CD84: variants seen among roughly 807,000 people sequenced by gnomAD.
CD84 encodes SLAM family member 5.
A neutral mutation model predicts 33.8 loss-of-function variants in CD84; 22 were observed. The ratio of observed to expected loss-of-function variants is 0.65; its 90% CI spans 0.46 to 0.93. The LOEUF (loss-of-function observed/expected upper bound fraction) is 0.93, where lower values mean the gene tolerates loss of function less well. Ranked by LOEUF, CD84 falls within the 40% of genes least tolerant of loss-of-function variation. CD84 has a pLI of 0.00. For missense variants in CD84, 400 were observed against 397.6 expected (o/e 1.01, Z -0.05); for synonymous variants, 154 against 145.2 (o/e 1.06, Z -0.44).
chr1:160,553,778 A>G, intron 3 of CD84, 117 bp downstream of exon 3: 1 of 1,502,004 alleles, frequency 6.7e-7, no homozygotes, highest in Non-Finnish European at 9.0e-7. Flanking sequence ...GCCCTCAGTG[A>G]CCAGGCCAAA....
intron 2 of CD84, among the ~76,000 whole-genome samples, chr1:160,557,262 A>G (rs1160432506): frequency 6.6e-6 from 1 of 152,244 alleles, no homozygotes; most frequent in African/African-American, 2.4e-5. Flanking sequence ...TATGCTGTCC[A>G]TCGGTATAGA....
At chr1:160,549,227 G>A (rs184880577) in intron 6 of CD84, among the ~76,000 whole-genome samples, 7 of 152,036 alleles carry the variant, frequency 4.6e-5, no homozygotes, top group South Asian at 2.1e-4. Context: ...CTCTCAATTC[G>A]TACTCAGTTT....
Position 160,548,067 on chromosome 1 carries a change from G to T in CD84, c.*189C>A. 1 of 619,888 alleles carries T rather than the reference G, an allele frequency of 1.6e-6. No individual in the cohort carries two copies. Among genetic ancestry groups the T allele is most frequent in the Non-Finnish European group, 2.9e-6 (1 of 347,120 alleles). 38.4% of individuals were successfully genotyped at this position (619,888 alleles called of 1,614,324 possible). A position where few individuals can be genotyped will look rare whatever the true frequency, so the allele number is the denominator to read the frequency against. ...TCAGAAGGGAGTCATTTCAGGAAGG[G>T]TATGCATCCATTTGTCCATTTAGGC... On this transcript the variant is annotated 3_prime_UTR_variant, in exon 7 of 7. Coordinates refer to ENST00000368054, the MANE Select transcript of CD84 (RefSeq NM_003874.4).
chr1:160,569,532 ACACACACACGCACG>A (rs780513579), intron 1 of CD84, among the ~76,000 whole-genome samples: 11 of 143,830 alleles, frequency 7.6e-5, no homozygotes, highest in South Asian at 2.1e-4. Flanking sequence ...ACACACACAC[ACACACACACGCACG>A]CACGCACGCA....
chr1:160,565,612 A>G lies in CD84; in HGVS notation c.180T>C (p.Val60=). Residue 60 remains valine (V), a synonymous_variant, in exon 2 of 7, where the codon GTT becomes GTC. Coordinates refer to ENST00000368054, the MANE Select transcript of CD84 (RefSeq NM_003874.4). ...KIIAWTSKTS[V]AYVTPGDSET... ...CTGAGTCTCCTGGTGTTACATAAGC[A>G]ACAGATGTTTTAGAAGTCCAAGCAA... 6.2e-7 allele frequency: 1 copy of G among 1,614,016 alleles called. No individual in the cohort carries two copies. The highest frequency in any genetic ancestry group is 8.5e-7 in the Non-Finnish European group (1 of 1,179,920).
At chr1:160,552,457 A>G (rs1002291833) in intron 4 of CD84, among the ~76,000 whole-genome samples, 1 of 152,206 alleles carries the variant, frequency 6.6e-6, no homozygotes, top group Non-Finnish European at 1.5e-5. Context: ...TGGGCCAAGT[A>G]TTTTGTATTT....
Position 160,549,204 on chromosome 1 carries a change from C to A in CD84, c.921+713G>T, listed in dbSNP as rs564227756. On this transcript the variant is annotated intron_variant, in intron 6 of 6. Transcript: ENST00000368054. Reference sequence around the variant, plus strand: ...GAGCTCATAGATGTCCTCCCTATTGCCTTATAGGATCACTCTCAATTCGTA... The same window carrying A: ...GAGCTCATAGATGTCCTCCCTATTGACTTATAGGATCACTCTCAATTCGTA... Among the ~76,000 whole-genome samples, 4 of 152,216 alleles carry A rather than the reference C, an allele frequency of 2.6e-5. No individual in the cohort carries two copies. In the East Asian group the frequency reaches 7.7e-4, roughly 29 times the overall value.
At chr1:160,574,799 G>A (rs1240989828) in intron 1 of CD84, among the ~76,000 whole-genome samples, 1 of 152,112 alleles carries the variant, frequency 6.6e-6, no homozygotes, top group Admixed American at 6.6e-5. Flanking sequence ...GAAGGTAATA[G>A]TAGCACAATA....
rs1487982973 is a variant in CD84, at chr1:160,546,585, C to T, written c.*1671G>A. Reference sequence around the variant, plus strand: ...GGGACTGTGAGCATGCATGGTGCATCTGGAGAGGTGCTCTGAATACACCCC... The same window carrying T: ...GGGACTGTGAGCATGCATGGTGCATTTGGAGAGGTGCTCTGAATACACCCC... On this transcript the variant is annotated 3_prime_UTR_variant, in exon 7 of 7. Transcript: ENST00000368054. 2 of 152,326 alleles carry T rather than the reference C, an allele frequency of 1.3e-5. No individual in the cohort carries two copies. The highest frequency in any genetic ancestry group is 4.8e-5 in the African/African-American group (2 of 41,446). 9.4% of individuals were successfully genotyped at this position (152,326 alleles called of 1,614,324 possible). A position where few individuals can be genotyped will look rare whatever the true frequency, so the allele number is the denominator to read the frequency against.
At chr1:160,574,980 T>G (rs1657907973) in intron 1 of CD84, among the ~76,000 whole-genome samples, 1 of 151,826 alleles carries the variant, frequency 6.6e-6, no homozygotes, top group South Asian at 2.1e-4. Flanking sequence ...AAAATTAGAG[T>G]TGGGGTATTG....
intron 2 of CD84, among the ~76,000 whole-genome samples, chr1:160,564,570 A>C (rs1657198171): frequency 6.6e-6 from 1 of 152,260 alleles, no homozygotes; most frequent in Non-Finnish European, 1.5e-5. Context: ...GTGGAATACT[A>C]TCTAGCAATA....
chr1:160,547,860 C>T lies in CD84; in HGVS notation c.*396G>A, dbSNP rs141119084. ...TGTGCAAAATATTGATCCCCTTCTC[C>T]CACAGTTACTGGGCAGGGTTGTTAC... On this transcript the variant is annotated 3_prime_UTR_variant, in exon 7 of 7. Coordinates refer to ENST00000368054, the MANE Select transcript of CD84 (RefSeq NM_003874.4). 6.6e-4 allele frequency: 155 copies of T among 235,908 alleles called. No individual in the cohort carries two copies. The highest frequency in any genetic ancestry group is 1.2e-3 in the Non-Finnish European group (139 of 118,902). 14.6% of individuals were successfully genotyped at this position (235,908 alleles called of 1,614,324 possible).
At chr1:160,574,128 G>C (rs925059400) in intron 1 of CD84, among the ~76,000 whole-genome samples, 1 of 50,756 alleles carries the variant, frequency 2.0e-5, no homozygotes, top group Non-Finnish European at 8.0e-5. Flanking sequence ...AAAAAACAAA[G>C]CTTTTTTTTT....
intron 2 of CD84, among the ~76,000 whole-genome samples, chr1:160,554,454 G>C (rs1271321254): frequency 6.6e-6 from 1 of 152,100 alleles, no homozygotes; most frequent in Admixed American, 6.5e-5. Context: ...CATGGTAGGA[G>C]TATTACCCCA....
intron 1 of CD84, among the ~76,000 whole-genome samples, chr1:160,569,222 T>G (rs1014322906): frequency 6.6e-6 from 1 of 152,306 alleles, no homozygotes; most frequent in East Asian, 1.9e-4. Flanking sequence ...AAGTAAAGCC[T>G]GGAGGGACAG....
intron 2 of CD84, among the ~76,000 whole-genome samples, chr1:160,562,323 C>T (rs936527199): frequency 3.3e-5 from 5 of 152,268 alleles, no homozygotes; most frequent in Non-Finnish European, 4.4e-5. Context: ...CAACTTCAAA[C>T]TATACTACAA....
intron 1 of CD84, among the ~76,000 whole-genome samples, chr1:160,575,725 A>C (rs1657959211): frequency 6.6e-6 from 1 of 152,202 alleles, no homozygotes; most frequent in Non-Finnish European, 1.5e-5. Context: ...TTACAGGTCC[A>C]TCCCTTTCCT....
rs1655540193 is a variant in CD84, at chr1:160,541,530, TATAA to T, written c.*6722_*6725del. On this transcript the variant is annotated 3_prime_UTR_variant, in exon 7 of 7. Coordinates refer to ENST00000368054, the MANE Select transcript of CD84 (RefSeq NM_003874.4). ...ACTTGTGTGCCAAATGCTGTAAAAG[TATAA>T]ATAGAGGGCAATATATTTCGCTTTG... 1 of 152,166 alleles carries T rather than the reference TATAA, an allele frequency of 6.6e-6. No homozygotes were observed. Among genetic ancestry groups the T allele is most frequent in the Non-Finnish European group, 1.5e-5 (1 of 68,032 alleles). 9.4% of individuals were successfully genotyped at this position (152,166 alleles called of 1,614,324 possible).
In CD84 at chr1:160,565,601, G is replaced by T. The variant is rs1055385104; in HGVS notation, c.191C>A (p.Thr64Lys). 3.7e-6 allele frequency: 6 copies of T among 1,613,852 alleles called. No homozygotes were observed. The African/African-American group carries it at 8.0e-5, about 22-fold the overall frequency. The change falls in exon 2 of 7, where the codon ACA (threonine) becomes AAA (lysine). Residue 64 changes from threonine to lysine, a missense_variant. By Grantham distance (78) the Thr-to-Lys change is moderately conservative. Transcript: ENST00000368054. Reference protein sequence around the residue: ...WTSKTSVAYVTPGDSETAPVV... With the variant: ...WTSKTSVAYVKPGDSETAPVV... Reference sequence around the variant, plus strand: ...GGGTGCTGTTTCTGAGTCTCCTGGTGTTACATAAGCAACAGATGTTTTAGA... The same window carrying T: ...GGGTGCTGTTTCTGAGTCTCCTGGTTTTACATAAGCAACAGATGTTTTAGA...
Sources: gnomAD v4.1 joint callset for allele counts (sites outside exome capture counted in the v4.1 genomes callset) on GRCh38, gnomAD v4.1.1 for gene constraint, MANE v1.5 for transcripts, NCBI Gene and HGNC (gene_info 2026-07-23, HGNC 2026-07-21) for gene names.